Variants in DRAM1 observed in about 807,000 individuals in gnomAD.
DRAM1 encodes the protein DNA damage regulated autophagy modulator 1.
A neutral mutation model predicts 28.5 loss-of-function variants in DRAM1; 25 were observed. The ratio of observed to expected loss-of-function variants is 0.88; its 90% CI spans 0.64 to 1.23. The LOEUF (loss-of-function observed/expected upper bound fraction) is 1.23. DRAM1 is among the 50% of genes most tolerant of loss of function. The pLI is 0.00. For missense variants in DRAM1, 249 were observed against 299.2 expected (o/e 0.83, Z 1.24); for synonymous variants, 113 against 114.2 (o/e 0.99, Z 0.07).
In DRAM1 at chr12:101,881,369, G is replaced by GT. The variant is rs200367743; in HGVS notation, c.131+3457dup. On this transcript the variant is annotated intron_variant, in intron 1 of 6. Coordinates refer to ENST00000258534, the MANE Select transcript of DRAM1 (RefSeq NM_018370.3). ...ATTCAACCTTATCCCTTTTTGTTGT[G>GT]TTTTTTTTGGAGGTGGGGTCTTGCT... is the stretch of plus-strand genomic sequence containing the variant. Among the ~76,000 whole-genome samples the GT allele has an allele frequency of 3.9e-3, 587 of 151,684 alleles. 3 individuals are homozygous for GT. The highest frequency in any genetic ancestry group is 0.013 in the African/African-American group (530 of 41,358).
rs948071038 is a variant in DRAM1 at position 101,918,159 on chromosome 12, A to G, written c.580-1950A>G. Among the ~76,000 whole-genome samples, 7 of 152,206 alleles carry G rather than the reference A, an allele frequency of 4.6e-5. No individual in the cohort carries two copies. In the East Asian group the frequency reaches 9.6e-4, roughly 21 times the overall value. ...GAATAATCATTTAGGTACTGCCTCA[A>G]ACTTCTGTGTAGTGCTTTACAGCTT... On this transcript the variant is annotated intron_variant, in intron 5 of 6. Coordinates refer to ENST00000258534, the MANE Select transcript of DRAM1 (RefSeq NM_018370.3).
At chr12:101,886,028 T>G (rs1488318653) in intron 1 of DRAM1, among the ~76,000 whole-genome samples, 1 of 152,232 alleles carries the variant, frequency 6.6e-6, no homozygotes, top group African/African-American at 2.4e-5. Context: ...CCTGTTTCAT[T>G]AACCTTGTTA....
At chr12:101,902,420 A>T (rs567953199) in intron 3 of DRAM1, among the ~76,000 whole-genome samples, 3 of 152,328 alleles carry the variant, frequency 2.0e-5, no homozygotes, top group African/African-American at 7.2e-5. Flanking sequence ...CAATGCTAAC[A>T]TGAAGATATA....
intron 1 of DRAM1, among the ~76,000 whole-genome samples, chr12:101,893,992 A>G (rs1873246774): frequency 6.6e-6 from 1 of 152,130 alleles, no homozygotes; most frequent in East Asian, 1.9e-4. Flanking sequence ...GGGCAGTGGC[A>G]TGATCTTGGC....
At chr12:101,899,837 TATC>T (rs1236377798) in intron 2 of DRAM1, among the ~76,000 whole-genome samples, 2 of 152,226 alleles carry the variant, frequency 1.3e-5, no homozygotes, top group African/African-American at 2.4e-5. Context: ...AAGGATGTAT[TATC>T]ATTTATTTAA....
chr12:101,881,551 T>A (rs1247364654), intron 1 of DRAM1, among the ~76,000 whole-genome samples: 1 of 152,166 alleles, frequency 6.6e-6, no homozygotes, highest in Non-Finnish European at 1.5e-5. Flanking sequence ...TCTTTGTACT[T>A]CCCTTCAACC....
chr12:101,921,349 G>T lies in DRAM1; in HGVS notation c.*89G>T. ...ACAGACAGGGTTTTGAGGCCACCCT[G>T]ATTATTGGGATGCATCTGCAGCACA... On this transcript the variant is annotated 3_prime_UTR_variant, in exon 7 of 7. Coordinates refer to ENST00000258534, the MANE Select transcript of DRAM1 (RefSeq NM_018370.3). 1 of 939,758 alleles carries T rather than the reference G, an allele frequency of 1.1e-6. No homozygotes were observed. 58.2% of individuals were successfully genotyped at this position (939,758 alleles called of 1,614,324 possible). A position where few individuals can be genotyped will look rare whatever the true frequency, so the allele number is the denominator to read the frequency against.
intron 4 of DRAM1, among the ~76,000 whole-genome samples, chr12:101,912,366 C>T (rs117844429): frequency 0.011 from 1,724 of 152,216 alleles, 20 homozygotes; most frequent in Non-Finnish European, 0.018. Flanking sequence ...TTTTCCCTTA[C>T]AGTCATTGCT....
At chr12:101,908,409 A>G (rs1440799126) in intron 4 of DRAM1, 46 bp downstream of exon 4, 8 of 1,558,204 alleles carry the variant, frequency 5.1e-6, no homozygotes, top group Non-Finnish European at 7.0e-6. Context: ...TAAAACATTC[A>G]GTGACACTTG....
At chr12:101,895,711 C>T (rs1369528204) in intron 1 of DRAM1, among the ~76,000 whole-genome samples, 2 of 150,758 alleles carry the variant, frequency 1.3e-5, no homozygotes. Flanking sequence ...GCTGGGATTA[C>T]CGGCGTCTGC....
chr12:101,921,000 G>T (rs1874461592), intron 6 of DRAM1, among the ~76,000 whole-genome samples: 1 of 152,182 alleles, frequency 6.6e-6, no homozygotes, highest in African/African-American at 2.4e-5. Context: ...GACTATATCA[G>T]ATTTGTCCAC....
intron 1 of DRAM1, among the ~76,000 whole-genome samples, chr12:101,892,744 T>A (rs893986548): frequency 2.6e-5 from 4 of 152,232 alleles, no homozygotes; most frequent in Admixed American, 2.6e-4. Flanking sequence ...ATGTATTTTT[T>A]ATTTCCTCAC....
intron 5 of DRAM1, among the ~76,000 whole-genome samples, chr12:101,917,524 TAA>T (rs201758425): frequency 5.5e-5 from 8 of 145,676 alleles, no homozygotes; most frequent in Admixed American, 1.4e-4. Flanking sequence ...CTGTCTGTAC[TAA>T]AAAAAAAAAA....
Position 101,922,147 on chromosome 12 carries a change from G to A in DRAM1, c.*887G>A, listed in dbSNP as rs4764679. 16,864 of 152,262 alleles carry A rather than the reference G, an allele frequency of 0.11. 1,309 individuals carry two copies. Among genetic ancestry groups the A allele is most frequent in the African/African-American group, 0.22 (9,130 of 41,508 alleles). 9.4% of individuals were successfully genotyped at this position (152,262 alleles called of 1,614,324 possible). A position where few individuals can be genotyped will look rare whatever the true frequency, so the allele number is the denominator to read the frequency against. ...GGCCCAAGAGCGAGACAAGAAGAAT[G>A]GAGAAGGGGGCAGCCAAGAAGAACT... On this transcript the variant is annotated 3_prime_UTR_variant, in exon 7 of 7. Coordinates refer to ENST00000258534, the MANE Select transcript of DRAM1 (RefSeq NM_018370.3).
At chr12:101,897,486 C>G (rs1271126566) in intron 1 of DRAM1, among the ~76,000 whole-genome samples, 1 of 152,112 alleles carries the variant, frequency 6.6e-6, no homozygotes, top group Admixed American at 6.5e-5. Flanking sequence ...CAGGTGTGAG[C>G]CGCTGCACCC....
intron 3 of DRAM1, among the ~76,000 whole-genome samples, chr12:101,904,639 C>T (rs982541171): frequency 6.6e-6 from 1 of 150,844 alleles, no homozygotes; most frequent in African/African-American, 2.4e-5. Flanking sequence ...GATGGGGTTT[C>T]ACCACATTAG....
intron 5 of DRAM1, 97 bp from the exon 6 acceptor site, chr12:101,920,012 A>G (rs989739274): frequency 2.5e-6 from 2 of 788,528 alleles, no homozygotes; most frequent in Non-Finnish European, 3.9e-6. Context: ...CTCACTGGAC[A>G]GCTTTTTCCT....
At chr12:101,917,547 G>A (rs887046714) in intron 5 of DRAM1, among the ~76,000 whole-genome samples, 1 of 149,450 alleles carries the variant, frequency 6.7e-6, no homozygotes, top group African/African-American at 2.6e-5. Flanking sequence ...AATTTTTGGT[G>A]TAGTGGCACA....
chr12:101,908,398 A>G (rs1344192959), intron 4 of DRAM1, 35 bp downstream of exon 4: 1 of 1,578,294 alleles, frequency 6.3e-7, no homozygotes, highest in East Asian at 2.2e-5. Context: ...TGTTAAAGGA[A>G]TAAAACATTC....
Sources: gnomAD v4.1 joint callset for allele counts (sites outside exome capture counted in the v4.1 genomes callset) on GRCh38, gnomAD v4.1.1 for gene constraint, MANE v1.5 for transcripts, NCBI Gene and HGNC (gene_info 2026-07-23, HGNC 2026-07-21) for gene names.